CD53: variants seen among roughly 807,000 people sequenced by gnomAD.
CD53 encodes leukocyte surface antigen CD53.
Under a neutral mutation model 27.3 loss-of-function variants are expected in CD53, and 20 were observed. That is an observed-to-expected ratio of 0.73 (90% CI 0.52 to 1.07). CD53 has a LOEUF of 1.07. Among genes scored for constraint, CD53 ranks in the 50% least tolerant of loss-of-function variants. The pLI is 0.00. For synonymous variants in CD53, 106 were observed against 105.3 expected, an observed-to-expected ratio of 1.01 and a Z score of -0.04; for missense variants, 216 against 264.0, an observed-to-expected ratio of 0.82 and a Z score of 1.26.
chr1:110,877,079 C>T (rs1174548303), intron 1 of CD53, among the ~76,000 whole-genome samples: 1 of 152,156 alleles, frequency 6.6e-6, no homozygotes, highest in Non-Finnish European at 1.5e-5. Flanking sequence ...CCAATTACCT[C>T]TTTAATATTC....
At chr1:110,878,725 G>C (rs1300462758) in intron 1 of CD53, among the ~76,000 whole-genome samples, 2 of 152,090 alleles carry the variant, frequency 1.3e-5, no homozygotes, top group Non-Finnish European at 1.5e-5. Flanking sequence ...TTCACTGAAA[G>C]AAAACAATTT....
At chr1:110,897,397 G>A (rs1657113816) in intron 6 of CD53, among the ~76,000 whole-genome samples, 1 of 152,220 alleles carries the variant, frequency 6.6e-6, no homozygotes, top group Non-Finnish European at 1.5e-5. Context: ...CAACTGCCCT[G>A]GCACTTGGTA....
chr1:110,883,530 G>C (rs891793400), intron 1 of CD53, among the ~76,000 whole-genome samples: 9 of 151,796 alleles, frequency 5.9e-5, no homozygotes, highest in African/African-American at 2.2e-4. Flanking sequence ...ATATCTTTCT[G>C]CTTTTAGTAT....
At chr1:110,875,578 A>G (rs1295527879) in intron 1 of CD53, among the ~76,000 whole-genome samples, 1 of 152,162 alleles carries the variant, frequency 6.6e-6, no homozygotes, top group Non-Finnish European at 1.5e-5. Flanking sequence ...TAGTCAGCCT[A>G]GGGCACTTCT....
At chr1:110,892,202 A>C (rs767052079) in intron 2 of CD53, 143 bp from the exon 3 acceptor site, 24 of 703,206 alleles carry the variant, frequency 3.4e-5, no homozygotes, top group East Asian at 5.2e-5. Flanking sequence ...AAGCATGGAA[A>C]AGTTTGGTAA....
intron 1 of CD53, among the ~76,000 whole-genome samples, chr1:110,884,219 T>C (rs756659006): frequency 1.2e-4 from 19 of 152,140 alleles, no homozygotes; most frequent in Non-Finnish European, 2.5e-4. Context: ...TTAAAGTTTT[T>C]CTCAATTCAG....
intron 1 of CD53, 86 bp from the exon 2 acceptor site, chr1:110,891,306 C>G: frequency 1.1e-6 from 1 of 938,494 alleles, no homozygotes. Context: ...CAAGGTAATG[C>G]TAGAGATCCC....
chr1:110,892,561 C>T (rs1369780268), intron 3 of CD53, 28 bp downstream of exon 3: 9 of 1,576,990 alleles, frequency 5.7e-6, no homozygotes, highest in Non-Finnish European at 7.8e-6. Context: ...ATGTGGTGCC[C>T]CAAGTCGGGG....
At chr1:110,877,471 T>C (rs1417630381) in intron 1 of CD53, among the ~76,000 whole-genome samples, 1 of 152,290 alleles carries the variant, frequency 6.6e-6, no homozygotes, top group Non-Finnish European at 1.5e-5. Context: ...TGCTAACTGT[T>C]TTAGGTAACT....
intron 1 of CD53, among the ~76,000 whole-genome samples, chr1:110,883,703 A>G (rs966849032): frequency 6.6e-6 from 1 of 151,828 alleles, no homozygotes; most frequent in African/African-American, 2.4e-5. Flanking sequence ...AGACTTTTAA[A>G]CTCCAAATTC....
intron 1 of CD53, among the ~76,000 whole-genome samples, chr1:110,886,869 ATTTT>A (rs71575170): frequency 8.5e-5 from 7 of 82,786 alleles, no homozygotes; most frequent in East Asian, 6.7e-4. Flanking sequence ...ATATATATAT[ATTTT>A]TTTTTTCTGT....
chr1:110,896,804 T>C, intron 6 of CD53, 71 bp downstream of exon 6: 1 of 1,330,882 alleles, frequency 7.5e-7, no homozygotes, highest in Non-Finnish European at 1.1e-6. Flanking sequence ...GAAACTGCAG[T>C]CATAGAGGAC....
chr1:110,888,584 C>T (rs1339337523), intron 1 of CD53, among the ~76,000 whole-genome samples: 1 of 152,062 alleles, frequency 6.6e-6, no homozygotes, highest in Non-Finnish European at 1.5e-5. Flanking sequence ...CCTGTTAATC[C>T]ATTGGCCAGA....
intron 1 of CD53, among the ~76,000 whole-genome samples, chr1:110,882,479 AT>A (rs1231955347): frequency 6.6e-6 from 1 of 151,952 alleles, no homozygotes; most frequent in Non-Finnish European, 1.5e-5. Context: ...TTGTAGTTTT[AT>A]AGAAAGCAAT....
intron 1 of CD53, 116 bp from the exon 2 acceptor site, chr1:110,891,276 G>A: frequency 1.4e-6 from 1 of 726,084 alleles, no homozygotes; most frequent in Non-Finnish European, 2.4e-6. Flanking sequence ...ACTTTCCAGA[G>A]GAGAGCCACA....
At chr1:110,879,558 A>G (rs1424565940) in intron 1 of CD53, among the ~76,000 whole-genome samples, 1 of 151,968 alleles carries the variant, frequency 6.6e-6, no homozygotes, top group Admixed American at 6.6e-5. Context: ...TTTTTCTCTT[A>G]CACTGTTTTT....
intron 1 of CD53, among the ~76,000 whole-genome samples, chr1:110,887,282 T>C (rs12724059): frequency 6.6e-6 from 1 of 152,118 alleles, no homozygotes; most frequent in Admixed American, 6.5e-5. Context: ...GCCAGGATCG[T>C]CTCGATCTCC....
intron 1 of CD53, among the ~76,000 whole-genome samples, chr1:110,890,721 C>T (rs1656817204): frequency 6.6e-6 from 1 of 152,194 alleles, no homozygotes; most frequent in African/African-American, 2.4e-5. Context: ...AAAAATAAAG[C>T]TTACATTGCT....
At chr1:110,881,221 C>A (rs1198878005) in intron 1 of CD53, among the ~76,000 whole-genome samples, 4 of 152,140 alleles carry the variant, frequency 2.6e-5, no homozygotes, top group Non-Finnish European at 5.9e-5. Context: ...CCCTTTCTCT[C>A]ACCCTTCCCT....
Sources: gnomAD v4.1 joint callset for allele counts (sites outside exome capture counted in the v4.1 genomes callset) on GRCh38, gnomAD v4.1.1 for gene constraint, MANE v1.5 for transcripts, NCBI Gene and HGNC (gene_info 2026-07-23, HGNC 2026-07-21) for gene names.